The following ALDH18A1 variants were observed in gnomAD, a reference collection of about 807,000 sequenced individuals.
The protein encoded by ALDH18A1 is aldehyde dehydrogenase 18 family member A1.
ALDH18A1 carries 44 observed loss-of-function variants against 88.8 expected under a neutral mutation model. The observed-to-expected ratio is 0.50, with a 90% CI of 0.39 to 0.64. The LOEUF is 0.64. Among genes scored for constraint, ALDH18A1 ranks in the 30% least tolerant of loss-of-function variants. The pLI is 0.00. For missense variants in ALDH18A1, 782 were observed against 1,009.5 expected, an observed-to-expected ratio of 0.77 and a Z score of 3.05; for synonymous variants, 331 against 372.1, an observed-to-expected ratio of 0.89 and a Z score of 1.27.
intron 7 of ALDH18A1, among the ~76,000 whole-genome samples, chr10:95,631,490 A>G (rs537921951): frequency 7.8e-4 from 119 of 152,278 alleles, no homozygotes; most frequent in Non-Finnish European, 1.5e-3. Flanking sequence ...CACACCTGTA[A>G]TCCCAGCACT....
chr10:95,610,897 G>GAATA (rs1337768873), intron 16 of ALDH18A1, among the ~76,000 whole-genome samples: 5 of 152,160 alleles, frequency 3.3e-5, no homozygotes, highest in African/African-American at 1.2e-4. Flanking sequence ...CATATTTGTG[G>GAATA]AATAAATGAA....
intron 13 of ALDH18A1, among the ~76,000 whole-genome samples, chr10:95,615,510 C>T (rs1372316027): frequency 6.6e-6 from 1 of 152,016 alleles, no homozygotes; most frequent in Non-Finnish European, 1.5e-5. Flanking sequence ...TGTGAACAGT[C>T]GCAGAGTGGT....
intron 2 of ALDH18A1, among the ~76,000 whole-genome samples, chr10:95,650,159 CG>C (rs1477858081): frequency 6.6e-6 from 1 of 152,068 alleles, no homozygotes; most frequent in Non-Finnish European, 1.5e-5. Context: ...CTTCAGAATA[CG>C]GGGTTATACA....
At chr10:95,627,416 T>G (rs2097861974) in intron 9 of ALDH18A1, 26 bp downstream of exon 9, 1 of 1,613,944 alleles carries the variant, frequency 6.2e-7, no homozygotes, top group South Asian at 1.1e-5. Context: ...ATCACAGGCC[T>G]TGGGACCTTA....
chr10:95,606,959 A>C lies in ALDH18A1; in HGVS notation c.2207-16T>G. On this transcript the variant is annotated splice_polypyrimidine_tract_variant and intron_variant, in intron 17 of 17. Transcript: ENST00000371224. Reference sequence around the variant, plus strand: ...ACTTCAGCTCCTGTGAAAAAGCATGAATAAAAGATGTAGCTTTTCCCAGCC... The same window carrying C: ...ACTTCAGCTCCTGTGAAAAAGCATGCATAAAAGATGTAGCTTTTCCCAGCC... 6.2e-7 allele frequency: 1 copy of C among 1,613,192 alleles called. No homozygotes were observed. Among genetic ancestry groups the C allele is most frequent in the South Asian group, 1.1e-5 (1 of 91,038 alleles).
intron 7 of ALDH18A1, among the ~76,000 whole-genome samples, chr10:95,631,662 G>T (rs1170947991): frequency 7.1e-6 from 1 of 140,998 alleles, no homozygotes; most frequent in African/African-American, 2.6e-5. Context: ...AGAATCGCTT[G>T]AACCTGGGAA....
chr10:95,611,269 G>A lies in ALDH18A1; in HGVS notation c.2097C>T (p.Ile699=), dbSNP rs780721947. 1.1e-5 allele frequency: 18 copies of A among 1,613,926 alleles called. No individual in the cohort carries two copies. Among genetic ancestry groups the A allele is most frequent in the African/African-American group, 2.7e-5 (2 of 74,928 alleles). Residue 699 remains isoleucine, a synonymous_variant, in exon 16 of 18, where the codon ATC becomes ATT. Coordinates refer to ENST00000371224, the MANE Select transcript of ALDH18A1 (RefSeq NM_002860.4). ...HKYGSSHTDV[I]VTEDENTAEF... is the part of the protein sequence containing the mutation. ...CTGGACACTGACCGTCCTCTGTGAC[G>A]ATGACATCCGTGTGGGAGCTGCCAT... is the stretch of plus-strand genomic sequence containing the variant.
chr10:95,614,297 A>C (rs1413641128), intron 13 of ALDH18A1, 136 bp from the exon 14 acceptor site: 13 of 993,280 alleles, frequency 1.3e-5, no homozygotes, highest in East Asian at 4.9e-5. Flanking sequence ...TATTCTAAAA[A>C]CAAAATTAAG....
chr10:95,628,526 T>C (rs890732146), intron 7 of ALDH18A1, 34 bp from the exon 8 acceptor site: 3 of 1,607,968 alleles, frequency 1.9e-6, no homozygotes, highest in South Asian at 2.2e-5. Context: ...AATACTGCTT[T>C]GATGGAAGTG....
intron 3 of ALDH18A1, among the ~76,000 whole-genome samples, chr10:95,637,860 T>C (rs2139623683): frequency 6.6e-6 from 1 of 151,982 alleles, no homozygotes; most frequent in East Asian, 1.9e-4. Context: ...CTTGGGAGGC[T>C]GAGGTAGGAG....
At chr10:95,617,843 G>A (rs531604495) in intron 12 of ALDH18A1, among the ~76,000 whole-genome samples, 12 of 152,268 alleles carry the variant, frequency 7.9e-5, no homozygotes, top group South Asian at 2.1e-4. Flanking sequence ...GAGAGACTTA[G>A]GCCCATTTCT....
At chr10:95,641,437 T>G (rs1026219351) in intron 3 of ALDH18A1, among the ~76,000 whole-genome samples, 4 of 151,180 alleles carry the variant, frequency 2.6e-5, no homozygotes, top group Non-Finnish European at 4.4e-5. Flanking sequence ...TTTTTAAAAT[T>G]TATCTGATGG....
chr10:95,638,885 T>C (rs2097886095), intron 3 of ALDH18A1, among the ~76,000 whole-genome samples: 1 of 149,558 alleles, frequency 6.7e-6, no homozygotes, highest in African/African-American at 2.4e-5. Flanking sequence ...TAACTTTTTT[T>C]TTTTTGAAAC....
intron 5 of ALDH18A1, among the ~76,000 whole-genome samples, chr10:95,634,290 G>C (rs1214244322): frequency 6.6e-6 from 1 of 152,088 alleles, no homozygotes; most frequent in East Asian, 1.9e-4. Context: ...TTTTTTTATA[G>C]AGAGGGTCTT....
chr10:95,630,711 A>G (rs10786228), intron 7 of ALDH18A1, among the ~76,000 whole-genome samples: 100,456 of 151,750 alleles, frequency 0.66, 33,638 homozygotes, highest in East Asian at 0.74. Context: ...ACTCCATCTC[A>G]GGGGGGTGGG....
At chr10:95,653,046 A>G (rs760319095) in intron 2 of ALDH18A1, among the ~76,000 whole-genome samples, 6 of 151,622 alleles carry the variant, frequency 4.0e-5, no homozygotes, top group Admixed American at 6.6e-5. Context: ...AGTTAGAGTC[A>G]GCGCGGTGGT....
chr10:95,650,232 C>T (rs1173123424), intron 2 of ALDH18A1, among the ~76,000 whole-genome samples: 3 of 152,176 alleles, frequency 2.0e-5, no homozygotes, highest in Admixed American at 1.3e-4. Flanking sequence ...ATAAATTTGA[C>T]GTCATCAAAA....
chr10:95,606,590 G>A lies in ALDH18A1; in HGVS notation c.*172C>T. 3 of 1,558,324 alleles carry A rather than the reference G, an allele frequency of 1.9e-6. No individual in the cohort carries two copies. Among genetic ancestry groups the A allele is most frequent in the Non-Finnish European group, 2.6e-6 (3 of 1,159,300 alleles). ...AAAAGGGTGAGCTGGGAGCCAGACT[G>A]TGCACATCAGCCAAGACTGCTATTG... On this transcript the variant is annotated 3_prime_UTR_variant, in exon 18 of 18. Coordinates refer to ENST00000371224, the MANE Select transcript of ALDH18A1 (RefSeq NM_002860.4).
chr10:95,647,491 C>T (rs1011263602), intron 2 of ALDH18A1, among the ~76,000 whole-genome samples: 2 of 152,202 alleles, frequency 1.3e-5, no homozygotes, highest in Non-Finnish European at 2.9e-5. Flanking sequence ...TATCCATGGT[C>T]CCTGGCTTAT....
Sources: gnomAD v4.1 joint callset for allele counts (sites outside exome capture counted in the v4.1 genomes callset) on GRCh38, gnomAD v4.1.1 for gene constraint, MANE v1.5 for transcripts, NCBI Gene and HGNC (gene_info 2026-07-23, HGNC 2026-07-21) for gene names.